CD302: variants seen among roughly 807,000 people sequenced by gnomAD.
CD302 encodes the protein CD302 molecule, also known as CD302 antigen.
A neutral mutation model predicts 26.5 loss-of-function variants in CD302; 23 were observed. The observed-to-expected ratio is 0.87, with a 90% CI of 0.62 to 1.23. CD302 has a LOEUF of 1.23. Among genes scored for constraint, CD302 ranks in the 50% most tolerant of loss-of-function variants. CD302 has a pLI of 0.00. For missense variants in CD302, 290 were observed against 275.5 expected, an observed-to-expected ratio of 1.05 and a Z score of -0.37; for synonymous variants, 90 against 99.4, an observed-to-expected ratio of 0.91 and a Z score of 0.56.
In CD302 at chr2:159,771,518, TCA is replaced by T. The variant is rs1708146225; in HGVS notation, c.*331_*332del. ...TAATAAACATATAAACTAAAGTGGG[TCA>T]ACTAAATAGGGAAGATACAGCAGGC... On this transcript the variant is annotated 3_prime_UTR_variant, in exon 6 of 6. Coordinates refer to ENST00000259053, the MANE Select transcript of CD302 (RefSeq NM_014880.5). 5.1e-6 allele frequency: 1 copy of T among 194,310 alleles called. No individual in the cohort carries two copies. The highest frequency in any genetic ancestry group is 5.5e-5 in the Admixed American group (1 of 18,164). 12.0% of individuals were successfully genotyped at this position (194,310 alleles called of 1,614,324 possible).
At position 159,781,391 on chromosome 2, in the gene CD302, A is replaced by T. The variant is rs111668288; in HGVS notation, c.179-393T>A. ...TGACGAAATCCTGTCCCTACCAAAA[A>T]AAAATAAAATAAAATAAAATTAGTT... On this transcript the variant is annotated intron_variant, in intron 2 of 5. Coordinates refer to ENST00000259053, the MANE Select transcript of CD302 (RefSeq NM_014880.5). 3.9e-3 allele frequency: 598 copies of T among 154,698 alleles called. 9 individuals carry two copies. Among genetic ancestry groups the T allele is most frequent in the African/African-American group, 0.012 (493 of 41,300 alleles). The allele number at this position is 154,698 out of a possible 1,614,324, so 9.6% of individuals were successfully genotyped here. A position where few individuals can be genotyped will look rare whatever the true frequency, so the allele number is the denominator to read the frequency against.
rs1020464921 is a variant in CD302, at chr2:159,769,675, G to C, written c.*2176C>G. ...ATATATATAGCACTTCATTACCAGAGGCCTCTTGGCCTGTTGAAAAATGAA... is the reference window on the plus strand; with the variant it reads ...ATATATATAGCACTTCATTACCAGACGCCTCTTGGCCTGTTGAAAAATGAA... On this transcript the variant is annotated 3_prime_UTR_variant, in exon 6 of 6. Transcript: ENST00000259053. 6.6e-6 allele frequency: 1 copy of C among 151,812 alleles called. No homozygotes were observed. The highest frequency in any genetic ancestry group is 1.5e-5 in the Non-Finnish European group (1 of 68,016). 9.4% of individuals were successfully genotyped at this position (151,812 alleles called of 1,614,324 possible).
rs772128768 is a variant in CD302, at chr2:159,769,190, T to C, written c.*2661A>G. On this transcript the variant is annotated 3_prime_UTR_variant, in exon 6 of 6. Transcript: ENST00000259053. ...GTAGTTTAAAATGTTATTCTGAATATCTGCCAAAGAATTATATTGTTATTA... is the reference window on the plus strand; with the variant it reads ...GTAGTTTAAAATGTTATTCTGAATACCTGCCAAAGAATTATATTGTTATTA... 3.3e-5 allele frequency: 5 copies of C among 152,214 alleles called. No homozygotes were observed. The highest frequency in any genetic ancestry group is 5.9e-5 in the Non-Finnish European group (4 of 68,040). The allele number at this position is 152,214 out of a possible 1,614,324, so 9.4% of individuals were successfully genotyped here.
chr2:159,771,554 T>TA lies in CD302; in HGVS notation c.*296dup, dbSNP rs1444021151. On this transcript the variant is annotated 3_prime_UTR_variant, in exon 6 of 6. Coordinates refer to ENST00000259053, the MANE Select transcript of CD302 (RefSeq NM_014880.5). The stretch of plus-strand genomic sequence containing the variant: ...GGGAAGATACAGCAGGCAAGACAAA[T>TA]AGGCTGGGCTTTTATTTTTATCTGC... 2 of 264,874 alleles carry TA rather than the reference T, an allele frequency of 7.6e-6. No individual in the cohort carries two copies. The highest frequency in any genetic ancestry group is 4.5e-5 in the African/African-American group (2 of 44,340). The allele number at this position is 264,874 out of a possible 1,614,324, so 16.4% of individuals were successfully genotyped here. A position where few individuals can be genotyped will look rare whatever the true frequency, so the allele number is the denominator to read the frequency against.
At chr2:159,790,402 A>G (rs1288307274) in intron 1 of CD302, among the ~76,000 whole-genome samples, 2 of 152,190 alleles carry the variant, frequency 1.3e-5, no homozygotes, top group East Asian at 1.9e-4. Flanking sequence ...GGCAGAGGGC[A>G]TATGATAAAA....
chr2:159,771,796 A>C lies in CD302; in HGVS notation c.*55T>G. On this transcript the variant is annotated 3_prime_UTR_variant, in exon 6 of 6. Transcript: ENST00000259053. ...CAAGTTTTATATTAAAATCTTTCCC[A>C]AGTTATCTCTGCCAGGGCATTTTGT... 2 of 1,583,168 alleles carry C rather than the reference A, an allele frequency of 1.3e-6. No individual in the cohort carries two copies. The highest frequency in any genetic ancestry group is 2.3e-5 in the South Asian group (2 of 88,474).
intron 1 of CD302, among the ~76,000 whole-genome samples, chr2:159,797,820 C>T (rs1682505373): frequency 6.6e-6 from 1 of 152,212 alleles, no homozygotes; most frequent in African/African-American, 2.4e-5. Context: ...CCAAGTCCCT[C>T]AGTTCTCCGG....
intron 2 of CD302, 120 bp downstream of exon 2, chr2:159,783,239 G>C: frequency 1.4e-6 from 1 of 723,708 alleles, no homozygotes. Flanking sequence ...AATAAAAGTT[G>C]TACATTAAAT....
Position 159,768,852 on chromosome 2 carries a change from TCTG to T in CD302, c.*2996_*2998del, listed in dbSNP as rs1245700383. On this transcript the variant is annotated 3_prime_UTR_variant, in exon 6 of 6. Transcript: ENST00000259053. Reference sequence around the variant, plus strand: ...ATAAAATTCAGTATGACAGTTGTCTTCTGCTTAACCCATAAAACTTTATTTAAA... The same window carrying T: ...ATAAAATTCAGTATGACAGTTGTCTTCTTAACCCATAAAACTTTATTTAAA... The T allele has an allele frequency of 6.6e-6, 1 of 152,220 alleles. No homozygotes were observed. The highest frequency in any genetic ancestry group is 2.4e-5 in the African/African-American group (1 of 41,464). 9.4% of individuals were successfully genotyped at this position (152,220 alleles called of 1,614,324 possible).
chr2:159,791,749 T>C (rs1007097730), intron 1 of CD302, among the ~76,000 whole-genome samples: 1 of 152,218 alleles, frequency 6.6e-6, no homozygotes, highest in Non-Finnish European at 1.5e-5. Context: ...TATTTAACCT[T>C]ACTGTGTCCC....
intron 1 of CD302, among the ~76,000 whole-genome samples, chr2:159,785,892 TCAGA>T (rs1196151535): frequency 6.6e-6 from 1 of 152,102 alleles, no homozygotes; most frequent in East Asian, 1.9e-4. Context: ...GGCTTTAACG[TCAGA>T]CAGACTTATG....
chr2:159,792,414 A>C (rs1708830776), intron 1 of CD302, among the ~76,000 whole-genome samples: 1 of 141,732 alleles, frequency 7.1e-6, no homozygotes, highest in African/African-American at 2.6e-5. Context: ...AGAAACAGAG[A>C]ACCAACTCTG....
chr2:159,776,636 C>T (rs1298865425), intron 5 of CD302, among the ~76,000 whole-genome samples: 1 of 151,936 alleles, frequency 6.6e-6, no homozygotes, highest in Non-Finnish European at 1.5e-5. Context: ...TTTTCTCCTC[C>T]TCTGTCATAG....
chr2:159,778,726 T>C (rs549968973), intron 4 of CD302, among the ~76,000 whole-genome samples: 1 of 152,240 alleles, frequency 6.6e-6, no homozygotes, highest in Non-Finnish European at 1.5e-5. Flanking sequence ...TTTGTAGAGA[T>C]GGTGGTCTTG....
chr2:159,773,284 G>C, intron 5 of CD302, among the ~76,000 whole-genome samples: 1 of 152,186 alleles, frequency 6.6e-6, no homozygotes, highest in Non-Finnish European at 1.5e-5. Context: ...AGAGTGCTGG[G>C]ATTACAGGTG....
Position 159,798,130 on chromosome 2 carries a change from AC to A in CD302, c.67+1del. ...CCGGCGAGGGACTACGTAAGGGCTT[AC>A]CCGCGACGGCAGCAGCGGCGAGGCC... On this transcript the variant is annotated splice_donor_variant, in intron 1 of 5. Coordinates refer to ENST00000259053, the MANE Select transcript of CD302 (RefSeq NM_014880.5). LOFTEE classifies it high-confidence loss of function. 1 of 1,488,798 alleles carries A rather than the reference AC, an allele frequency of 6.7e-7. No homozygotes were observed. Among genetic ancestry groups the A allele is most frequent in the Non-Finnish European group, 8.9e-7 (1 of 1,125,072 alleles). 92.2% of individuals were successfully genotyped at this position (1,488,798 alleles called of 1,614,324 possible). A position where few individuals can be genotyped will look rare whatever the true frequency, so the allele number is the denominator to read the frequency against.
intron 1 of CD302, among the ~76,000 whole-genome samples, 159 bp from the exon 2 acceptor site, chr2:159,783,628 G>A (rs1345164507): frequency 1.3e-5 from 2 of 152,124 alleles, no homozygotes; most frequent in African/African-American, 4.8e-5. Context: ...AGTGTAACAG[G>A]AATTTGTTTC....
intron 1 of CD302, among the ~76,000 whole-genome samples, chr2:159,791,736 T>C (rs1244263694): frequency 6.6e-6 from 1 of 152,196 alleles, no homozygotes; most frequent in Non-Finnish European, 1.5e-5. Flanking sequence ...ATCGTGGACA[T>C]GTTATTTAAC....
chr2:159,775,434 TTTA>T (rs886753136), intron 5 of CD302, among the ~76,000 whole-genome samples: 11 of 152,324 alleles, frequency 7.2e-5, no homozygotes, highest in African/African-American at 2.4e-4. Context: ...TATGTGTATC[TTTA>T]TTTTTTCCAA....
Sources: allele counts gnomAD v4.1 joint callset (sites outside exome capture counted in the v4.1 genomes callset), GRCh38; gene constraint gnomAD v4.1.1; transcripts MANE v1.5; gene names NCBI Gene and HGNC (gene_info 2026-07-23, HGNC 2026-07-21).